The following MACROH2A2 variants were observed in gnomAD, a reference collection of about 807,000 sequenced individuals.
The protein encoded by MACROH2A2 is macroH2A.2 histone.
MACROH2A2 carries 6 observed loss-of-function variants against 37.6 expected under a neutral mutation model. The ratio of observed to expected loss-of-function variants is 0.16; its 90% CI spans 0.09 to 0.32. The LOEUF is 0.32. Among genes scored for constraint, MACROH2A2 ranks in the 10% least tolerant of loss-of-function variants. The pLI is 1.00. For synonymous variants in MACROH2A2, 192 were observed against 202.7 expected, an observed-to-expected ratio of 0.95 and a Z score of 0.45; for missense variants, 290 against 485.9, an observed-to-expected ratio of 0.60 and a Z score of 3.79.
chr10:70,068,771 G>A (rs1268943263), intron 1 of MACROH2A2, among the ~76,000 whole-genome samples: 6 of 152,198 alleles, frequency 3.9e-5, no homozygotes, highest in African/African-American at 1.4e-4. Context: ...TTCCTGCAGT[G>A]CTTCTGTGGG....
intron 3 of MACROH2A2, among the ~76,000 whole-genome samples, chr10:70,091,140 A>G (rs375034987): frequency 2.0e-5 from 3 of 152,204 alleles, no homozygotes; most frequent in Admixed American, 6.5e-5. Context: ...TGCGCTCCCC[A>G]CATGGGAAGC....
In MACROH2A2 at chr10:70,091,739, A is replaced by T; in HGVS notation, c.280-18A>T. 6.3e-7 allele frequency: 1 copy of T among 1,588,110 alleles called. No individual in the cohort carries two copies. The highest frequency in any genetic ancestry group is 8.6e-7 in the Non-Finnish European group (1 of 1,156,556). ...AGCAGGCTGTTTGCTACATGAGCGC[A>T]TGCATTTCTCTCTTCAGCTGCTAAA... On this transcript the variant is annotated intron_variant, in intron 3 of 8. Coordinates refer to ENST00000373255, the MANE Select transcript of MACROH2A2 (RefSeq NM_018649.3).
chr10:70,109,886 C>T (rs1160888739), intron 8 of MACROH2A2, among the ~76,000 whole-genome samples: 1 of 152,228 alleles, frequency 6.6e-6, no homozygotes, highest in African/African-American at 2.4e-5. Context: ...TCACATAAAA[C>T]ATATCCTTTC....
chr10:70,096,287 A>G (rs995980750), intron 6 of MACROH2A2, among the ~76,000 whole-genome samples: 3 of 152,148 alleles, frequency 2.0e-5, no homozygotes, highest in Admixed American at 6.5e-5. Context: ...CTGTAGTATT[A>G]CACTCTATAA....
At chr10:70,071,505 C>G (rs1288867076) in intron 1 of MACROH2A2, among the ~76,000 whole-genome samples, 1 of 152,180 alleles carries the variant, frequency 6.6e-6, no homozygotes, top group Non-Finnish European at 1.5e-5. Context: ...GAGAAGGCCA[C>G]TGAGGTCCAA....
chr10:70,080,002 G>A (rs964863241), intron 2 of MACROH2A2, among the ~76,000 whole-genome samples: 3 of 152,182 alleles, frequency 2.0e-5, no homozygotes, highest in Non-Finnish European at 2.9e-5. Flanking sequence ...CTGACCAGCT[G>A]GACGTGGTGG....
chr10:70,093,756 A>G lies in MACROH2A2; in HGVS notation c.499A>G (p.Lys167Glu). Residue 167 changes from lysine (K) to glutamate (E), a missense_variant, in exon 5 of 9, where the codon AAA (lysine) becomes GAA (glutamate). This residue lies in a region of MACROH2A2 where 77 missense variants were observed against 68.9 expected (regional missense o/e 1.12). Transcript: ENST00000373255. ...SKKSKPKDSD[K>E]EGTSNSTSED... is the part of the protein sequence containing the mutation. ...ACAGTCCAAACCAAAGGACAGCGAT[A>G]AAGAAGGAACTTCAAATTCCACCTC... 1 of 1,608,380 alleles carries G rather than the reference A, an allele frequency of 6.2e-7. No individual in the cohort carries two copies. Among genetic ancestry groups the G allele is most frequent in the Non-Finnish European group, 8.5e-7 (1 of 1,174,692 alleles).
At chr10:70,073,229 T>G (rs1448394450) in intron 1 of MACROH2A2, among the ~76,000 whole-genome samples, 3 of 152,184 alleles carry the variant, frequency 2.0e-5, no homozygotes, top group African/African-American at 7.2e-5. Context: ...CTGTTTCCCC[T>G]CTTTCCTGCG....
chr10:70,104,802 A>G (rs549956216), intron 7 of MACROH2A2, among the ~76,000 whole-genome samples: 35 of 152,374 alleles, frequency 2.3e-4, no homozygotes, highest in Admixed American at 3.9e-4. Context: ...TAGTGTCCCC[A>G]GGTGACATAG....
chr10:70,110,634 A>T (rs1201221004), intron 8 of MACROH2A2, among the ~76,000 whole-genome samples: 1 of 152,132 alleles, frequency 6.6e-6, no homozygotes, highest in Non-Finnish European at 1.5e-5. Flanking sequence ...CTGTAAATCC[A>T]AAAGCTTTAG....
chr10:70,090,896 G>A (rs191650421), intron 3 of MACROH2A2, among the ~76,000 whole-genome samples: 125 of 152,380 alleles, frequency 8.2e-4, no homozygotes, highest in African/African-American at 2.9e-3. Flanking sequence ...CAGTTCATGG[G>A]TGAGCCATGG....
chr10:70,077,984 C>T (rs913204067), intron 2 of MACROH2A2, among the ~76,000 whole-genome samples: 2 of 152,160 alleles, frequency 1.3e-5, no homozygotes, highest in Non-Finnish European at 1.5e-5. Context: ...CTCACGCCCT[C>T]GACCTCAAGC....
chr10:70,103,498 G>A (rs557640265), intron 7 of MACROH2A2, among the ~76,000 whole-genome samples: 19 of 152,244 alleles, frequency 1.2e-4, no homozygotes, highest in African/African-American at 3.6e-4. Flanking sequence ...GGGAGCCACC[G>A]TGCCCAGCAC....
chr10:70,083,209 A>G (rs2072191469), intron 2 of MACROH2A2, among the ~76,000 whole-genome samples: 3 of 152,156 alleles, frequency 2.0e-5, no homozygotes, highest in Admixed American at 2.0e-4. Flanking sequence ...AGCTCCCAGA[A>G]CAAGGGCTGC....
At chr10:70,063,604 T>C (rs1035002059) in intron 1 of MACROH2A2, among the ~76,000 whole-genome samples, 1 of 152,246 alleles carries the variant, frequency 6.6e-6, no homozygotes, top group Non-Finnish European at 1.5e-5. Flanking sequence ...AGCAGCATAC[T>C]CATTTCTAGG....
intron 1 of MACROH2A2, among the ~76,000 whole-genome samples, chr10:70,056,590 G>A (rs1227000103): frequency 6.6e-6 from 1 of 152,162 alleles, no homozygotes; most frequent in Non-Finnish European, 1.5e-5. Flanking sequence ...TTTGTAAAGG[G>A]AGAAGAGAGT....
At chr10:70,072,490 T>C (rs556675246) in intron 1 of MACROH2A2, among the ~76,000 whole-genome samples, 2 of 152,332 alleles carry the variant, frequency 1.3e-5, no homozygotes, top group African/African-American at 4.8e-5. Flanking sequence ...TACAGTTTAC[T>C]TTGTTTTTAA....
chr10:70,069,377 C>T (rs1410767929), intron 1 of MACROH2A2, among the ~76,000 whole-genome samples: 1 of 152,172 alleles, frequency 6.6e-6, no homozygotes, highest in East Asian at 1.9e-4. Flanking sequence ...TCACCGTTAA[C>T]ATTCTTGAAA....
At chr10:70,060,899 A>G (rs529715377) in intron 1 of MACROH2A2, among the ~76,000 whole-genome samples, 1 of 151,840 alleles carries the variant, frequency 6.6e-6, no homozygotes, top group Middle Eastern at 3.4e-3. Context: ...TGGGAGGACT[A>G]TTTGAACTTA....
Sources: gnomAD v4.1 joint callset for allele counts (sites outside exome capture counted in the v4.1 genomes callset) on GRCh38, gnomAD v4.1.1 for gene constraint, gnomAD v4.1.1 regional missense constraint, MANE v1.5 for transcripts, NCBI Gene and HGNC (gene_info 2026-07-23, HGNC 2026-07-21) for gene names.